Variants in SSBP3 observed in about 807,000 individuals in gnomAD.
SSBP3 encodes single stranded DNA binding protein 3.
SSBP3 carries 5 observed loss-of-function variants against 69.6 expected under a neutral mutation model. The ratio of observed to expected loss-of-function variants is 0.07; its 90% CI spans 0.04 to 0.15. The LOEUF (loss-of-function observed/expected upper bound fraction) is 0.15, where lower values mean the gene tolerates loss of function less well. SSBP3 is among the 10% of genes least tolerant of loss of function. The pLI, the probability that SSBP3 is intolerant of heterozygous loss-of-function variation, is 1.00. For synonymous variants in SSBP3, 196 were observed against 193.4 expected, an observed-to-expected ratio of 1.01 and a Z score of -0.11; for missense variants, 312 against 534.0, an observed-to-expected ratio of 0.58 and a Z score of 4.10.
intron 4 of SSBP3, among the ~76,000 whole-genome samples, chr1:54,295,543 C>G (rs369162153): frequency 6.6e-6 from 1 of 152,196 alleles, no homozygotes; most frequent in East Asian, 1.9e-4. Flanking sequence ...AGGGCAGGAG[C>G]TCCAGCTCTT....
intron 4 of SSBP3, among the ~76,000 whole-genome samples, chr1:54,396,314 A>T (rs961183324): frequency 1.3e-5 from 2 of 152,002 alleles, no homozygotes; most frequent in Non-Finnish European, 2.9e-5. Context: ...AGTTTATGTG[A>T]ATAGTCTAAT....
At chr1:54,239,031 T>C in intron 14 of SSBP3, 98 bp downstream of exon 14, 6 of 1,002,442 alleles carry the variant, frequency 6.0e-6, no homozygotes, top group East Asian at 2.7e-5. Flanking sequence ...TGGTAACAAA[T>C]GGCTGAAATC....
At chr1:54,370,812 G>A (rs148192052) in intron 4 of SSBP3, among the ~76,000 whole-genome samples, 48 of 152,154 alleles carry the variant, frequency 3.2e-4, no homozygotes, top group African/African-American at 1.1e-3. Flanking sequence ...ATGAGCATGC[G>A]TGTGGTGGCT....
At chr1:54,356,149 T>C (rs1312017879) in intron 4 of SSBP3, among the ~76,000 whole-genome samples, 1 of 152,182 alleles carries the variant, frequency 6.6e-6, no homozygotes. Context: ...CCGGCTGAAC[T>C]TCCCCATAAT....
intron 4 of SSBP3, among the ~76,000 whole-genome samples, chr1:54,400,430 G>A (rs999488468): frequency 2.0e-5 from 3 of 152,152 alleles, no homozygotes; most frequent in African/African-American, 7.2e-5. Flanking sequence ...ATTTTTATAT[G>A]GCTGTGTACC....
intron 4 of SSBP3, among the ~76,000 whole-genome samples, chr1:54,303,360 C>T (rs1645838377): frequency 6.7e-6 from 1 of 150,318 alleles, no homozygotes; most frequent in Admixed American, 6.6e-5. Flanking sequence ...TGTTATCAAC[C>T]CCGCCTAGAC....
intron 4 of SSBP3, among the ~76,000 whole-genome samples, chr1:54,374,334 G>A (rs1647182293): frequency 1.3e-5 from 2 of 152,312 alleles, no homozygotes; most frequent in South Asian, 4.1e-4. Context: ...CACAGGCTCC[G>A]GGAAGACGAC....
intron 4 of SSBP3, among the ~76,000 whole-genome samples, chr1:54,349,579 G>A (rs992387638): frequency 3.3e-5 from 5 of 152,114 alleles, no homozygotes; most frequent in African/African-American, 1.2e-4. Context: ...GCTCCCTCAG[G>A]CTTCAGCCTT....
chr1:54,332,342 C>A (rs1447288722), intron 4 of SSBP3, among the ~76,000 whole-genome samples: 9 of 152,158 alleles, frequency 5.9e-5, no homozygotes, highest in Non-Finnish European at 1.3e-4. Context: ...TGCAAGGAAA[C>A]TAAAAGTGGA....
At chr1:54,251,281 C>G (rs1644824112) in intron 9 of SSBP3, among the ~76,000 whole-genome samples, 1 of 152,194 alleles carries the variant, frequency 6.6e-6, no homozygotes, top group Non-Finnish European at 1.5e-5. Context: ...GGAGGCAGCT[C>G]TGGGGTTCAG....
chr1:54,290,537 G>T (rs899769100), intron 4 of SSBP3, among the ~76,000 whole-genome samples: 2 of 152,234 alleles, frequency 1.3e-5, no homozygotes, highest in Non-Finnish European at 2.9e-5. Flanking sequence ...TTAGGAGGAA[G>T]TGAATTCCCT....
chr1:54,241,815 G>T (rs2100651186), intron 11 of SSBP3, among the ~76,000 whole-genome samples: 1 of 152,316 alleles, frequency 6.6e-6, no homozygotes, highest in East Asian at 1.9e-4. Flanking sequence ...ACATTCCTCT[G>T]GCCTTCACCC....
At chr1:54,266,212 A>G (rs930155310) in intron 5 of SSBP3, among the ~76,000 whole-genome samples, 33 of 152,180 alleles carry the variant, frequency 2.2e-4, no homozygotes, top group African/African-American at 8.0e-4. Context: ...CCTGCTTCAA[A>G]GTCTAGGCTG....
At chr1:54,233,769 G>T (rs1644434103) in intron 14 of SSBP3, among the ~76,000 whole-genome samples, 1 of 151,960 alleles carries the variant, frequency 6.6e-6, no homozygotes. Flanking sequence ...AGGTGGGGGG[G>T]TCAGCCCCCT....
chr1:54,360,098 C>T (rs1646927599), intron 4 of SSBP3, among the ~76,000 whole-genome samples: 1 of 152,158 alleles, frequency 6.6e-6, no homozygotes, highest in South Asian at 2.1e-4. Flanking sequence ...ATAAGCCAAC[C>T]AAGTATCTTT....
chr1:54,306,546 C>T (rs1483729859), intron 4 of SSBP3, among the ~76,000 whole-genome samples: 3 of 152,224 alleles, frequency 2.0e-5, no homozygotes, highest in Non-Finnish European at 2.9e-5. Context: ...TAGCTGGGTA[C>T]ACCAGGGCCA....
At chr1:54,251,713 G>C (rs939701822) in intron 8 of SSBP3, 21 bp from the exon 9 acceptor site, 1 of 1,574,630 alleles carries the variant, frequency 6.4e-7, no homozygotes, top group African/African-American at 1.3e-5. Context: ...GAGGAGGCGC[G>C]TCATGGGATG....
At chr1:54,326,370 T>A (rs1646305030) in intron 4 of SSBP3, 1 of 152,788 alleles carries the variant, frequency 6.5e-6, no homozygotes, top group African/African-American at 2.4e-5. Context: ...CCCGCATCCC[T>A]TCCTCTTTGC....
At chr1:54,334,128 C>A (rs1405830191) in intron 4 of SSBP3, among the ~76,000 whole-genome samples, 3 of 151,900 alleles carry the variant, frequency 2.0e-5, no homozygotes, top group South Asian at 4.1e-4. Flanking sequence ...CCGAGGCGGG[C>A]GGATCACGAG....
Sources: allele counts gnomAD v4.1 joint callset (sites outside exome capture counted in the v4.1 genomes callset), GRCh38; gene constraint gnomAD v4.1.1; transcripts MANE v1.5; gene names NCBI Gene and HGNC (gene_info 2026-07-23, HGNC 2026-07-21).